Variants in NOPCHAP1 observed in about 807,000 individuals in gnomAD.
NOPCHAP1 encodes NOP protein chaperone 1, also known as DNA damage-sensitive RNA 1.
In NOPCHAP1, 13 loss-of-function variants were observed where a neutral mutation model predicts 14.0. The ratio of observed to expected loss-of-function variants is 0.93; its 90% CI spans 0.60 to 1.47. The LOEUF (loss-of-function observed/expected upper bound fraction) is 1.47. Among genes scored for constraint, NOPCHAP1 ranks in the 40% most tolerant of loss-of-function variants. The probability of loss-of-function intolerance (pLI) is 0.00; values close to 1 mark genes in which losing one functional copy is unlikely to be tolerated. For synonymous variants in NOPCHAP1, 78 were observed against 78.4 expected (o/e 1.00, Z 0.03); for missense variants, 230 against 226.9 (o/e 1.01, Z -0.09).
At chr12:104,989,405 C>T (rs1033420841) in intron 2 of NOPCHAP1, among the ~76,000 whole-genome samples, 1 of 152,190 alleles carries the variant, frequency 6.6e-6, no homozygotes, top group African/African-American at 2.4e-5. Flanking sequence ...TCTAGGTTGA[C>T]AGTGTGGTTT....
At position 105,010,475 on chromosome 12, in the gene NOPCHAP1, T is replaced by G. The variant is rs976537162; in HGVS notation, c.*15779T>G. 1.3e-5 allele frequency: 2 copies of G among 152,224 alleles called. No individual in the cohort carries two copies. The highest frequency in any genetic ancestry group is 2.9e-5 in the Non-Finnish European group (2 of 68,038). 9.4% of individuals were successfully genotyped at this position (152,224 alleles called of 1,614,324 possible). On this transcript the variant is annotated 3_prime_UTR_variant, in exon 4 of 4. Transcript: ENST00000552951. ...AAGGGTTTTTTGTGTCTCTATCTCC[T>G]TCAGTTCTGCTCTGATCTTAGTTAT...
intron 1 of NOPCHAP1, 133 bp downstream of exon 1, chr12:104,986,600 G>A: frequency 1.4e-6 from 1 of 714,860 alleles, no homozygotes; most frequent in Non-Finnish European, 2.1e-6. Flanking sequence ...GGACTGCTGC[G>A]GGGCTCCGGC....
Position 105,014,108 on chromosome 12 carries a change from CAGG to C in NOPCHAP1, c.*19416_*19418del, listed in dbSNP as rs1443424834. On this transcript the variant is annotated 3_prime_UTR_variant, in exon 4 of 4. Coordinates refer to ENST00000552951, the MANE Select transcript of NOPCHAP1 (RefSeq NM_152318.3). The stretch of plus-strand genomic sequence containing the variant: ...CAACACGAGCTCATCGCAATAGCAA[CAGG>C]AGGTGACCACAAAGTTATTACAGTA... The C allele has an allele frequency of 2.0e-5, 3 of 152,176 alleles. No individual in the cohort carries two copies. The highest frequency in any genetic ancestry group is 7.2e-5 in the African/African-American group (3 of 41,444). 9.4% of individuals were successfully genotyped at this position (152,176 alleles called of 1,614,324 possible).
chr12:105,011,670 T>C lies in NOPCHAP1; in HGVS notation c.*16974T>C, dbSNP rs1398770951. The C allele has an allele frequency of 6.6e-6, 1 of 152,222 alleles. No individual in the cohort carries two copies. Among genetic ancestry groups the C allele is most frequent in the East Asian group, 1.9e-4 (1 of 5,204 alleles). The allele number at this position is 152,222 out of a possible 1,614,324, so 9.4% of individuals were successfully genotyped here. ...ATTTAGTGCTGCCTTCAGGAGCTCTTGTAAGGCAGGCCTGGTGGTGACAAA... is the reference window on the plus strand; with the variant it reads ...ATTTAGTGCTGCCTTCAGGAGCTCTCGTAAGGCAGGCCTGGTGGTGACAAA... On this transcript the variant is annotated 3_prime_UTR_variant, in exon 4 of 4. Transcript: ENST00000552951.
rs1421670786 is a variant in NOPCHAP1, at chr12:105,000,781, C to A, written c.*6085C>A. ...GCTTGGTTGTCCTCCATTGATAGAT[C>A]GTGAAAGGCTTTTTTTTTAACCTGG... On this transcript the variant is annotated 3_prime_UTR_variant, in exon 4 of 4. Coordinates refer to ENST00000552951, the MANE Select transcript of NOPCHAP1 (RefSeq NM_152318.3). 6.6e-6 allele frequency: 1 copy of A among 151,834 alleles called. No individual in the cohort carries two copies. Among genetic ancestry groups the A allele is most frequent in the African/African-American group, 2.4e-5 (1 of 41,298 alleles). 9.4% of individuals were successfully genotyped at this position (151,834 alleles called of 1,614,324 possible).
rs552724672 is a variant in NOPCHAP1, at chr12:105,007,958, A to G, written c.*13262A>G. The G allele has an allele frequency of 5.9e-5, 9 of 152,334 alleles. 1 individual carries two copies. In the South Asian group the frequency reaches 1.9e-3, roughly 32 times the overall value. 9.4% of individuals were successfully genotyped at this position (152,334 alleles called of 1,614,324 possible). A position where few individuals can be genotyped will look rare whatever the true frequency, so the allele number is the denominator to read the frequency against. Reference sequence around the variant, plus strand: ...TCTTTGCTATTGTGAGCAGTGCTGCAGTAAACATACATGTGTCTTTATAGT... The same window carrying G: ...TCTTTGCTATTGTGAGCAGTGCTGCGGTAAACATACATGTGTCTTTATAGT... On this transcript the variant is annotated 3_prime_UTR_variant, in exon 4 of 4. Transcript: ENST00000552951.
Position 105,000,674 on chromosome 12 carries a change from T to C in NOPCHAP1, c.*5978T>C, listed in dbSNP as rs1028720175. The C allele has an allele frequency of 6.6e-6, 1 of 152,074 alleles. No homozygotes were observed. Among genetic ancestry groups the C allele is most frequent in the African/African-American group, 2.4e-5 (1 of 41,424 alleles). The allele number at this position is 152,074 out of a possible 1,614,324, so 9.4% of individuals were successfully genotyped here. The stretch of plus-strand genomic sequence containing the variant: ...TGTGGATGGTAAGAATTTGGTATGG[T>C]CCCTTCCATAGGGGTTTGAGGGCAG... On this transcript the variant is annotated 3_prime_UTR_variant, in exon 4 of 4. Transcript: ENST00000552951.
chr12:104,987,140 A>G (rs959789387), intron 1 of NOPCHAP1, among the ~76,000 whole-genome samples: 1 of 152,216 alleles, frequency 6.6e-6, no homozygotes, highest in Non-Finnish European at 1.5e-5. Context: ...AGGCTTGGGC[A>G]TGTTGTCAGT....
intron 2 of NOPCHAP1, among the ~76,000 whole-genome samples, chr12:104,991,230 T>G (rs12297696): frequency 0.016 from 2,406 of 152,264 alleles, 58 homozygotes; most frequent in African/African-American, 0.054. Context: ...CAAGAGTGAC[T>G]AAGAGTGACA....
chr12:104,996,279 A>G lies in NOPCHAP1; in HGVS notation c.*1583A>G, dbSNP rs1178207893. 6.6e-6 allele frequency: 1 copy of G among 152,174 alleles called. No individual in the cohort carries two copies. Among genetic ancestry groups the G allele is most frequent in the Non-Finnish European group, 1.5e-5 (1 of 68,026 alleles). 9.4% of individuals were successfully genotyped at this position (152,174 alleles called of 1,614,324 possible). On this transcript the variant is annotated 3_prime_UTR_variant, in exon 4 of 4. Transcript: ENST00000552951. ...TCAGTTCATCCACTGGTACATCTGCATAGCTCCTGAACAAGGTCCAGGAGG... is the reference window on the plus strand; with the variant it reads ...TCAGTTCATCCACTGGTACATCTGCGTAGCTCCTGAACAAGGTCCAGGAGG...
At chr12:104,986,506 C>T (rs780684705) in intron 1 of NOPCHAP1, 39 bp downstream of exon 1, 49 of 1,522,710 alleles carry the variant, frequency 3.2e-5, no homozygotes, top group Middle Eastern at 4.1e-4. Context: ...CGCACACGTG[C>T]GGCAGAGGAG....
At chr12:104,990,970 T>C (rs1873362370) in intron 2 of NOPCHAP1, among the ~76,000 whole-genome samples, 1 of 152,202 alleles carries the variant, frequency 6.6e-6, no homozygotes, top group South Asian at 2.1e-4. Flanking sequence ...TCTGCTTTCC[T>C]GGGTATTGGC....
chr12:104,994,669 C>G lies in NOPCHAP1; in HGVS notation c.531C>G (p.Asp177Glu). 1 of 1,613,010 alleles carries G rather than the reference C, an allele frequency of 6.2e-7. No individual in the cohort carries two copies. The highest frequency in any genetic ancestry group is 8.5e-7 in the Non-Finnish European group (1 of 1,179,408). ...GAAAAGGCAAGATTGAAGTTTTGGA[C>G]AGTCCAGCAAGTAAAAAAAAGAAAT... ...EGGKGKIEVL[D>E]SPASKKKK Residue 177 changes from aspartate to glutamate, a missense_variant, in exon 4 of 4, where the codon GAC (aspartate) becomes GAG (glutamate). Coordinates refer to ENST00000552951, the MANE Select transcript of NOPCHAP1 (RefSeq NM_152318.3).
rs952071535 is a variant in NOPCHAP1 at position 104,996,173 on chromosome 12, A to C, written c.*1477A>C. 4 of 152,128 alleles carry C rather than the reference A, an allele frequency of 2.6e-5. No individual in the cohort carries two copies. The highest frequency in any genetic ancestry group is 1.3e-4 in the Admixed American group (2 of 15,280). The allele number at this position is 152,128 out of a possible 1,614,324, so 9.4% of individuals were successfully genotyped here. On this transcript the variant is annotated 3_prime_UTR_variant, in exon 4 of 4. Coordinates refer to ENST00000552951, the MANE Select transcript of NOPCHAP1 (RefSeq NM_152318.3). ...CAGTGGGGAGCAAAATGGAGTAAGC[A>C]TATTTTCTGTAGACCAATACAGGCA...
rs977059392 is a variant in NOPCHAP1, at chr12:105,015,638, A to C, written c.*20942A>C. 3 of 152,232 alleles carry C rather than the reference A, an allele frequency of 2.0e-5. No individual in the cohort carries two copies. The highest frequency in any genetic ancestry group is 7.2e-5 in the African/African-American group (3 of 41,454). The allele number at this position is 152,232 out of a possible 1,614,324, so 9.4% of individuals were successfully genotyped here. ...TGTGAATTGTCCTTTTGTCCTGCTT[A>C]TGCACGCTGTATATGTTACCCACCG... On this transcript the variant is annotated 3_prime_UTR_variant, in exon 4 of 4. Transcript: ENST00000552951.
At position 105,012,619 on chromosome 12, in the gene NOPCHAP1, C is replaced by G. The variant is rs1029063320; in HGVS notation, c.*17923C>G. 1 of 152,184 alleles carries G rather than the reference C, an allele frequency of 6.6e-6. No individual in the cohort carries two copies. The highest frequency in any genetic ancestry group is 1.5e-5 in the Non-Finnish European group (1 of 68,056). 9.4% of individuals were successfully genotyped at this position (152,184 alleles called of 1,614,324 possible). On this transcript the variant is annotated 3_prime_UTR_variant, in exon 4 of 4. Coordinates refer to ENST00000552951, the MANE Select transcript of NOPCHAP1 (RefSeq NM_152318.3). Reference sequence around the variant, plus strand: ...TTTGCGCTGGGTTTTCCTCATCTTCCTGGATTTACCTACCTTTGCTCTTTT... The same window carrying G: ...TTTGCGCTGGGTTTTCCTCATCTTCGTGGATTTACCTACCTTTGCTCTTTT...
At position 105,008,145 on chromosome 12, in the gene NOPCHAP1, A is replaced by G. The variant is rs1873743482; in HGVS notation, c.*13449A>G. 6.6e-6 allele frequency: 1 copy of G among 152,170 alleles called. No individual in the cohort carries two copies. The highest frequency in any genetic ancestry group is 1.5e-5 in the Non-Finnish European group (1 of 68,024). The allele number at this position is 152,170 out of a possible 1,614,324, so 9.4% of individuals were successfully genotyped here. On this transcript the variant is annotated 3_prime_UTR_variant, in exon 4 of 4. Transcript: ENST00000552951. Reference sequence around the variant, plus strand: ...GTGAAAAGTGTTCCTGTTTCTCCACATCCCCTCCAGCATCTGTTGTTTCCT... The same window carrying G: ...GTGAAAAGTGTTCCTGTTTCTCCACGTCCCCTCCAGCATCTGTTGTTTCCT...
chr12:104,986,318 G>A lies in NOPCHAP1; in HGVS notation c.-35G>A. On this transcript the variant is annotated 5_prime_UTR_variant, in exon 1 of 4. Coordinates refer to ENST00000552951, the MANE Select transcript of NOPCHAP1 (RefSeq NM_152318.3). The stretch of plus-strand genomic sequence containing the variant: ...GCCCCCTTACCCGAGCCTTTTTCCT[G>A]CATCCGGGCCTGAGAGTGCAGGCTT... 6.4e-7 allele frequency: 1 copy of A among 1,560,730 alleles called. No individual in the cohort carries two copies.
rs1413654275 is a variant in NOPCHAP1 at position 104,988,270 on chromosome 12, C to T, written c.202+17C>T. 2.6e-6 allele frequency: 4 copies of T among 1,551,320 alleles called. No homozygotes were observed. Among genetic ancestry groups the T allele is most frequent in the Non-Finnish European group, 3.6e-6 (4 of 1,126,502 alleles). On this transcript the variant is annotated intron_variant, in intron 2 of 3. Coordinates refer to ENST00000552951, the MANE Select transcript of NOPCHAP1 (RefSeq NM_152318.3). ...GGAGTCCCTGTAAGTACCTCTTCCC[C>T]TCTCTCACCCTCTCTAATGCTGAGT... is the stretch of plus-strand genomic sequence containing the variant.
Sources: allele counts gnomAD v4.1 joint callset (sites outside exome capture counted in the v4.1 genomes callset), GRCh38; gene constraint gnomAD v4.1.1; transcripts MANE v1.5; gene names NCBI Gene and HGNC (gene_info 2026-07-23, HGNC 2026-07-21).